Variants in ARSL observed in about 807,000 individuals in gnomAD.
ARSL encodes arylsulfatase E (chondrodysplasia punctata 1).
ARSL carries 4 observed loss-of-function variants against 31.1 expected under a neutral mutation model. The observed-to-expected ratio is 0.13, with a 90% CI of 0.06 to 0.29. The LOEUF is 0.29. Ranked by LOEUF, ARSL falls within the 10% of genes least tolerant of loss-of-function variation. ARSL has a pLI of 1.00. For missense variants in ARSL, 312 were observed against 497.8 expected, an observed-to-expected ratio of 0.63 and a Z score of 3.55; for synonymous variants, 198 against 209.9, an observed-to-expected ratio of 0.94 and a Z score of 0.49.
chrX:2,939,482 G>A (rs1276894281), intron 8 of ARSL, among the ~76,000 whole-genome samples: 1 of 112,264 alleles, frequency 8.9e-6, no homozygotes, highest in East Asian at 2.8e-4. Flanking sequence ...ATACATTAAC[G>A]TCAATGGCAA....
At chrX:2,951,203 G>A (rs1433386082) in intron 5 of ARSL, among the ~76,000 whole-genome samples, 3 of 111,855 alleles carry the variant, frequency 2.7e-5, no homozygotes, top group Non-Finnish European at 5.6e-5. Context: ...AGGCCGGAAA[G>A]CACCATGTGA....
chrX:2,947,472 T>C (rs940028973), intron 6 of ARSL, among the ~76,000 whole-genome samples: 96 of 112,565 alleles, frequency 8.5e-4, no homozygotes, highest in African/African-American at 3.0e-3. Flanking sequence ...TGAGGCATAT[T>C]GGGTTATTCA....
At chrX:2,939,287 C>T (rs2089248325) in intron 8 of ARSL, among the ~76,000 whole-genome samples, 1 of 111,660 alleles carries the variant, frequency 9.0e-6, no homozygotes, top group African/African-American at 3.3e-5. Flanking sequence ...CTGGGGCCCC[C>T]AGGAGTTGGC....
chrX:2,960,617 A>G, intron 1 of ARSL, 197 bp from the exon 2 acceptor site: 6 of 419,134 alleles, frequency 1.4e-5, no homozygotes, highest in Admixed American at 4.1e-5. Flanking sequence ...GTTTAATACT[A>G]TGTTAAGAAT....
At chrX:2,949,869 G>A in intron 5 of ARSL, 142 bp from the exon 6 acceptor site, 1 of 731,884 alleles carries the variant, frequency 1.4e-6, no homozygotes, top group South Asian at 2.4e-5. Context: ...AGCATTAGCT[G>A]TTATTTGCAC....
intron 3 of ARSL, 59 bp downstream of exon 3, chrX:2,958,215 T>A: frequency 8.4e-7 from 1 of 1,192,482 alleles, no homozygotes; most frequent in Admixed American, 2.2e-5. Flanking sequence ...TTTCAGTGGC[T>A]TCTCTTTCTT....
intron 7 of ARSL, among the ~76,000 whole-genome samples, chrX:2,944,624 G>A (rs776997348): frequency 9.2e-6 from 1 of 108,945 alleles, no homozygotes; most frequent in South Asian, 4.0e-4. Flanking sequence ...TTATTCTGAG[G>A]ATCCTGGGAT....
intron 1 of ARSL, among the ~76,000 whole-genome samples, chrX:2,962,382 A>G (rs2089649650): frequency 1.8e-5 from 2 of 112,171 alleles, no homozygotes; most frequent in Admixed American, 9.4e-5. Context: ...CCTCTGAGTA[A>G]CCAGGGGAGT....
rs865981464 is a variant in ARSL at position 2,960,007 on chromosome X, C to T, written c.23+371G>A. 11 of 213,559 alleles carry T rather than the reference C, an allele frequency of 5.2e-5. No individual in the cohort carries two copies. The Admixed American group carries it at 6.1e-4, about 12-fold the overall frequency. 17.6% of individuals were successfully genotyped at this position (213,559 alleles called of 1,213,427 possible). A position where few individuals can be genotyped will look rare whatever the true frequency, so the allele number is the denominator to read the frequency against. On this transcript the variant is annotated intron_variant, in intron 2 of 10. Coordinates refer to ENST00000381134, the MANE Select transcript of ARSL (RefSeq NM_000047.3). ...AAAAGAGGCCGGGCGCGGTGGCTCA[C>T]GCCTGTAATCCCAGCACTTTGGGAG...
In ARSL at chrX:2,953,303, C is replaced by T. The variant is rs373103766; in HGVS notation, c.308-38G>A. 8 of 1,182,121 alleles carry T rather than the reference C, an allele frequency of 6.8e-6. No individual in the cohort carries two copies. The African/African-American group carries it at 8.8e-5, about 13-fold the overall frequency. The stretch of plus-strand genomic sequence containing the variant: ...ATTAAGAGAAAGAATTACTGTTCCA[C>T]ATTTTTTTTCCTGTTTGTTATTTAT... On this transcript the variant is annotated intron_variant, in intron 4 of 10. Transcript: ENST00000381134.
chrX:2,959,681 C>G (rs970377973), intron 2 of ARSL: 12 of 1,152,139 alleles, frequency 1.0e-5, no homozygotes, highest in Non-Finnish European at 1.3e-5. Flanking sequence ...TGGAGCACAT[C>G]TATTAATCAC....
At position 2,949,546 on chromosome X, in the gene ARSL, C is replaced by G. The variant is rs758766631; in HGVS notation, c.612G>C (p.Leu204=). ...CTACCAGTGTGAGGGCAACCAAGGC[C>G]AGGACTTGGAAGAGGAAGTTGAGTT... is the stretch of plus-strand genomic sequence containing the variant. ...EQKLNFLFQV[L]ALVALTLVAG... is the part of the protein sequence containing the mutation. The change falls in exon 6 of 11, where the codon CTG becomes CTC. Residue 204 remains leucine, a synonymous_variant. Transcript: ENST00000381134. 8.3e-7 allele frequency: 1 copy of G among 1,211,046 alleles called. No homozygotes were observed. The highest frequency in any genetic ancestry group is 1.1e-6 in the Non-Finnish European group (1 of 895,376).
chrX:2,942,767 G>A (rs866140443), intron 8 of ARSL, among the ~76,000 whole-genome samples: 5 of 111,382 alleles, frequency 4.5e-5, no homozygotes, highest in Non-Finnish European at 7.5e-5. Context: ...GTAATTTTGA[G>A]TTGGTCTGGC....
chrX:2,937,223 G>A lies in ARSL; in HGVS notation c.1290-360C>T, dbSNP rs552761707. Reference sequence around the variant, plus strand: ...AGCCTGGCCAACATGGTGAAACCCCGTCTCAACTAAAAACACAAAAATTAG... The same window carrying A: ...AGCCTGGCCAACATGGTGAAACCCCATCTCAACTAAAAACACAAAAATTAG... On this transcript the variant is annotated intron_variant, in intron 9 of 10. Transcript: ENST00000381134. Among the ~76,000 whole-genome samples, 10 of 110,608 alleles carry A rather than the reference G, an allele frequency of 9.0e-5. No individual in the cohort carries two copies. The South Asian group carries it at 1.9e-3, about 21-fold the overall frequency.
intron 8 of ARSL, among the ~76,000 whole-genome samples, chrX:2,939,686 G>A (rs2089254047): frequency 9.0e-6 from 1 of 110,502 alleles, no homozygotes; most frequent in Admixed American, 9.7e-5. Context: ...TTCAAGGACT[G>A]AAAAATAAAG....
intron 3 of ARSL, among the ~76,000 whole-genome samples, chrX:2,957,000 T>A (rs1354210900): frequency 9.6e-6 from 1 of 104,557 alleles, no homozygotes; most frequent in Non-Finnish European, 1.9e-5. Flanking sequence ...GGCAGGCAGA[T>A]CACGAGGTCA....
upstream of ARSL, among the ~76,000 whole-genome samples, chrX:2,966,239 T>C (rs1029592845): frequency 3.9e-4 from 44 of 111,482 alleles, no homozygotes; most frequent in Non-Finnish European, 7.0e-4. Context: ...ACGGTTTTGG[T>C]GGCATGTCTC....
intron 2 of ARSL, chrX:2,959,559 C>G: frequency 8.9e-7 from 1 of 1,123,445 alleles, no homozygotes; most frequent in Non-Finnish European, 1.2e-6. Flanking sequence ...CTGATTTTCC[C>G]TGGAAAACCA....
At chrX:2,939,055 A>G (rs1344361311) in intron 8 of ARSL, among the ~76,000 whole-genome samples, 2 of 111,566 alleles carry the variant, frequency 1.8e-5, no homozygotes, top group Non-Finnish European at 3.8e-5. Context: ...CCTGAAACAT[A>G]TATCCACACC....
Sources: gnomAD v4.1 joint callset for allele counts (sites outside exome capture counted in the v4.1 genomes callset) on GRCh38, gnomAD v4.1.1 for gene constraint, MANE v1.5 for transcripts, NCBI Gene and HGNC (gene_info 2026-07-23, HGNC 2026-07-21) for gene names.